AFAP1L2: variants seen among roughly 807,000 people sequenced by gnomAD.
AFAP1L2 encodes actin filament associated protein 1 like 2, also known as actin filament-associated protein 1-like 2.
In AFAP1L2, 46 loss-of-function variants were observed where a neutral mutation model predicts 99.3. That is an observed-to-expected ratio of 0.46 (90% confidence interval 0.37 to 0.59). AFAP1L2 has a LOEUF of 0.59. Among genes scored for constraint, AFAP1L2 ranks in the 20% least tolerant of loss-of-function variants. AFAP1L2 has a pLI of 0.00. For missense variants in AFAP1L2, 959 were observed against 1,034.9 expected (o/e 0.93, Z 1.01); for synonymous variants, 397 against 419.1 (o/e 0.95, Z 0.64).
At chr10:114,338,094 A>G (rs1286064079) in intron 2 of AFAP1L2, among the ~76,000 whole-genome samples, 5 of 152,218 alleles carry the variant, frequency 3.3e-5, no homozygotes, top group African/African-American at 9.6e-5. Context: ...AGAAGAGAAG[A>G]CAGATGGGCA....
At chr10:114,335,887 T>C (rs2047898305) in intron 2 of AFAP1L2, among the ~76,000 whole-genome samples, 1 of 152,136 alleles carries the variant, frequency 6.6e-6, no homozygotes, top group African/African-American at 2.4e-5. Flanking sequence ...CCACAGCTAC[T>C]CCAAAATATT....
intron 1 of AFAP1L2, among the ~76,000 whole-genome samples, chr10:114,358,989 G>A (rs548567222): frequency 1.3e-5 from 2 of 152,234 alleles, no homozygotes; most frequent in African/African-American, 2.4e-5. Context: ...GCCTAGATTC[G>A]TATATACATA....
At chr10:114,332,591 G>A (rs1250993617) in intron 3 of AFAP1L2, among the ~76,000 whole-genome samples, 1 of 152,216 alleles carries the variant, frequency 6.6e-6, no homozygotes, top group African/African-American at 2.4e-5. Flanking sequence ...AGGCTTGGAA[G>A]TTAGGAATTG....
intron 1 of AFAP1L2, among the ~76,000 whole-genome samples, chr10:114,398,511 C>G (rs1243491766): frequency 1.3e-5 from 2 of 152,222 alleles, no homozygotes; most frequent in Non-Finnish European, 2.9e-5. Context: ...ATCTGCTCCC[C>G]TGCGTTAATT....
intron 2 of AFAP1L2, among the ~76,000 whole-genome samples, chr10:114,335,992 C>G (rs575139626): frequency 1.2e-5 from 1 of 84,766 alleles, no homozygotes; most frequent in Non-Finnish European, 3.4e-5. Context: ...AGTTCACATA[C>G]CTATACAAAA....
chr10:114,353,391 C>A (rs978147159), intron 1 of AFAP1L2, among the ~76,000 whole-genome samples: 5 of 152,214 alleles, frequency 3.3e-5, no homozygotes, highest in Admixed American at 6.5e-5. Context: ...TTTAAGCCAG[C>A]CTGAATTAGG....
chr10:114,393,059 C>T (rs996166121), intron 1 of AFAP1L2, among the ~76,000 whole-genome samples: 5 of 152,112 alleles, frequency 3.3e-5, no homozygotes, highest in Non-Finnish European at 7.4e-5. Context: ...GGAAAGTAAA[C>T]GCTTAGGGCT....
intron 4 of AFAP1L2, among the ~76,000 whole-genome samples, chr10:114,326,241 G>A (rs1047616077): frequency 5.9e-5 from 9 of 152,148 alleles, no homozygotes; most frequent in Admixed American, 2.6e-4. Flanking sequence ...TGTGCAAAAT[G>A]TATCAAGCCC....
At chr10:114,319,177 G>A (rs566455656) in intron 5 of AFAP1L2, among the ~76,000 whole-genome samples, 1 of 152,210 alleles carries the variant, frequency 6.6e-6, no homozygotes, top group South Asian at 2.1e-4. Context: ...AACAAAAACA[G>A]TATGATATTC....
chr10:114,328,012 C>T (rs1422268689), intron 4 of AFAP1L2, among the ~76,000 whole-genome samples: 1 of 152,232 alleles, frequency 6.6e-6, no homozygotes, highest in Non-Finnish European at 1.5e-5. Flanking sequence ...CAGCGCATGG[C>T]CAGGCCTCAG....
chr10:114,404,340 G>C (rs1037441612), intron 1 of AFAP1L2, 100 bp downstream of exon 1: 4 of 1,346,226 alleles, frequency 3.0e-6, no homozygotes, highest in Non-Finnish European at 4.1e-6. Context: ...AGTGGGCTCT[G>C]CTTATCCCGA....
At chr10:114,403,796 G>A (rs757935375) in intron 1 of AFAP1L2, among the ~76,000 whole-genome samples, 1 of 152,198 alleles carries the variant, frequency 6.6e-6, no homozygotes, top group Non-Finnish European at 1.5e-5. Context: ...CCTCGGGTCC[G>A]GACGCCTCCA....
intron 1 of AFAP1L2, among the ~76,000 whole-genome samples, chr10:114,349,632 C>T (rs2050159789): frequency 6.6e-6 from 1 of 151,118 alleles, no homozygotes. Context: ...GTTTACATAT[C>T]ACTGTACTCA....
At chr10:114,393,512 T>G (rs772252896) in intron 1 of AFAP1L2, 5 of 152,174 alleles carry the variant, frequency 3.3e-5, no homozygotes, top group Middle Eastern at 3.2e-3. Context: ...AAAATCCACA[T>G]GCTAAGGGCT....
the AFAP1L2 span, chr10:114,284,784 C>T: frequency 1.5e-6 from 2 of 1,376,668 alleles, no homozygotes; most frequent in East Asian, 2.7e-5. Context: ...AGGAAGCCAG[C>T]TGCACCCACA....
chr10:114,371,139 C>T (rs569448855), intron 1 of AFAP1L2, among the ~76,000 whole-genome samples: 29 of 152,324 alleles, frequency 1.9e-4, no homozygotes, highest in African/African-American at 7.0e-4. Flanking sequence ...CGCTGGCTGG[C>T]AGGGCCAAGC....
At chr10:114,328,398 G>C (rs1286143287) in intron 4 of AFAP1L2, among the ~76,000 whole-genome samples, 2 of 152,248 alleles carry the variant, frequency 1.3e-5, no homozygotes, top group Non-Finnish European at 2.9e-5. Context: ...GGGCCAGGCA[G>C]CTGTGCAGGG....
chr10:114,293,580 C>T (rs948017254), downstream of AFAP1L2, among the ~76,000 whole-genome samples: 4 of 152,160 alleles, frequency 2.6e-5, no homozygotes, highest in Non-Finnish European at 5.9e-5. Context: ...CTAGCCAAGC[C>T]TTTTTTCTTT....
intron 18 of AFAP1L2, 65 bp from the exon 19 acceptor site, chr10:114,296,133 G>A (rs537139498): frequency 1.2e-6 from 2 of 1,605,374 alleles, no homozygotes; most frequent in Admixed American, 3.3e-5. Flanking sequence ...ATCCACTGTA[G>A]CAACCTTGAT....
Sources: gnomAD v4.1 joint callset for allele counts (sites outside exome capture counted in the v4.1 genomes callset) on GRCh38, gnomAD v4.1.1 for gene constraint, MANE v1.5 for transcripts, NCBI Gene and HGNC (gene_info 2026-07-23, HGNC 2026-07-21) for gene names.